NALCN: variants seen among roughly 807,000 people sequenced by gnomAD.
The protein encoded by NALCN is sodium leak channel, non-selective, also known as sodium leak channel NALCN.
NALCN carries 111 observed loss-of-function variants against 225.3 expected under a neutral mutation model. The ratio of observed to expected loss-of-function variants is 0.49; its 90% CI spans 0.42 to 0.58. NALCN has a LOEUF of 0.58. NALCN is among the 20% of genes least tolerant of loss of function. The pLI is 0.00. For synonymous variants in NALCN, 764 were observed against 769.0 expected, an observed-to-expected ratio of 0.99 and a Z score of 0.11; for missense variants, 1,378 against 2,202.4, an observed-to-expected ratio of 0.63 and a Z score of 7.49.
chr13:101,234,040 C>G (rs2041458014), intron 12 of NALCN, among the ~76,000 whole-genome samples: 1 of 152,158 alleles, frequency 6.6e-6, no homozygotes, highest in Admixed American at 6.5e-5. Flanking sequence ...TGCTCCTTCA[C>G]TTCATTCAGT....
rs1002533299 is a variant in NALCN, at chr13:101,243,887, T to G, written c.1267-5965A>C. On this transcript the variant is annotated intron_variant, in intron 11 of 43. Transcript: ENST00000251127. The stretch of plus-strand genomic sequence containing the variant: ...ATGAAAGGCTCTCTGCCCTGAGCAG[T>G]GGCCTCAGGGGACCAGAGGACTCAG... Among the ~76,000 whole-genome samples, 2 of 105,322 alleles carry G rather than the reference T, an allele frequency of 1.9e-5. 1 individual carries two copies. The highest frequency in any genetic ancestry group is 4.2e-5 in the Non-Finnish European group (2 of 47,082). The allele number at this position is 105,322 out of a possible 152,430, so 69.1% of individuals were successfully genotyped here.
chr13:101,146,074 CA>C (rs1418957429), intron 15 of NALCN, among the ~76,000 whole-genome samples: 1 of 152,220 alleles, frequency 6.6e-6, no homozygotes, highest in Admixed American at 6.5e-5. Flanking sequence ...TTTGGGGAAA[CA>C]TTCCCATTTC....
chr13:101,245,870 C>T (rs1279284675), intron 11 of NALCN, among the ~76,000 whole-genome samples: 1 of 152,166 alleles, frequency 6.6e-6, no homozygotes, highest in Non-Finnish European at 1.5e-5. Flanking sequence ...CCCAACCAGA[C>T]ACTTGCCTAG....
At chr13:101,326,043 T>C (rs953853291) in intron 7 of NALCN, among the ~76,000 whole-genome samples, 11 of 152,230 alleles carry the variant, frequency 7.2e-5, no homozygotes, top group African/African-American at 2.7e-4. Flanking sequence ...CCTACAAGTT[T>C]CCTTTTTTAC....
In NALCN at chr13:101,111,239, A is replaced by AC; in HGVS notation, c.2193-14_2193-13insG. On this transcript the variant is annotated splice_polypyrimidine_tract_variant and intron_variant, in intron 18 of 43. Coordinates refer to ENST00000251127, the MANE Select transcript of NALCN (RefSeq NM_052867.4). Reference sequence around the variant, plus strand: ...TCGGGTGCAAGCTCTAGGAAAAAAAAAGGAGCCCAAGATAAATGCATGGTT... The same window carrying AC: ...TCGGGTGCAAGCTCTAGGAAAAAAAACAGGAGCCCAAGATAAATGCATGGTT... 6.3e-7 allele frequency: 1 copy of AC among 1,576,290 alleles called. No individual in the cohort carries two copies. Among genetic ancestry groups the AC allele is most frequent in the Non-Finnish European group, 8.7e-7 (1 of 1,155,756 alleles).
At chr13:101,204,482 T>C (rs2040241003) in intron 13 of NALCN, among the ~76,000 whole-genome samples, 1 of 152,196 alleles carries the variant, frequency 6.6e-6, no homozygotes, top group Non-Finnish European at 1.5e-5. Flanking sequence ...AGGAAAAGTC[T>C]TCTGAATCTA....
At chr13:101,079,847 G>A (rs1566790639) in intron 34 of NALCN, among the ~76,000 whole-genome samples, 2 of 152,218 alleles carry the variant, frequency 1.3e-5, no homozygotes, top group African/African-American at 4.8e-5. Flanking sequence ...TAAGAAGGAC[G>A]CTCACTATGT....
chr13:101,278,294 G>A (rs976172416), intron 10 of NALCN, among the ~76,000 whole-genome samples: 2 of 152,092 alleles, frequency 1.3e-5, no homozygotes, highest in Non-Finnish European at 2.9e-5. Flanking sequence ...GGAGGCCGAG[G>A]TGGGCGGATC....
chr13:101,333,291 G>T (rs562265062), intron 7 of NALCN, among the ~76,000 whole-genome samples: 109 of 152,194 alleles, frequency 7.2e-4, no homozygotes, highest in Non-Finnish European at 1.4e-3. Context: ...ATATTTATTA[G>T]CCATTCATGA....
At chr13:101,362,923 T>C (rs2046287342) in intron 6 of NALCN, among the ~76,000 whole-genome samples, 1 of 152,046 alleles carries the variant, frequency 6.6e-6, no homozygotes, top group African/African-American at 2.4e-5. Flanking sequence ...CAAAAATTAA[T>C]AGCATTTATA....
intron 15 of NALCN, among the ~76,000 whole-genome samples, chr13:101,157,240 A>G (rs555303192): frequency 6.6e-6 from 1 of 152,352 alleles, no homozygotes; most frequent in African/African-American, 2.4e-5. Context: ...GTACACATAC[A>G]TGTATTTCCC....
In NALCN at chr13:101,065,385, G is replaced by C; in HGVS notation, c.4604+19C>G. On this transcript the variant is annotated intron_variant, in intron 40 of 43. Transcript: ENST00000251127. ...TGGTTTCTGGCCCCCATTCAGCCCT[G>C]CGAAAGCCTGCCTTGTACCTCAGGA... 1 of 1,613,614 alleles carries C rather than the reference G, an allele frequency of 6.2e-7. No homozygotes were observed. Among genetic ancestry groups the C allele is most frequent in the Non-Finnish European group, 8.5e-7 (1 of 1,179,666 alleles).
chr13:101,068,657 G>A (rs2032614362), intron 38 of NALCN, 38 bp downstream of exon 38: 2 of 1,520,518 alleles, frequency 1.3e-6, no homozygotes. Context: ...AAGTACCTGA[G>A]TTTAAAGAGT....
Position 101,111,138 on chromosome 13 carries a change from G to A in NALCN, c.2281C>T (p.Arg761Cys), listed in dbSNP as rs1420619266. Reference protein sequence around the residue: ...RSILSVQHHIRQERRSLRHGS... With the variant: ...RSILSVQHHICQERRSLRHGS... ...CCAAGTATTTACCTGCGCTCTTGGC[G>A]GATATGATGCTGCACGCTGAGGATT... Residue 761 changes from arginine (R) to cysteine (C), a missense_variant, in exon 19 of 44, where the codon CGC (arginine) becomes TGC (cysteine). Arg to Cys is a radical substitution (Grantham distance 180, BLOSUM62 -3). Coordinates refer to ENST00000251127, the MANE Select transcript of NALCN (RefSeq NM_052867.4). 7 of 1,606,340 alleles carry A rather than the reference G, an allele frequency of 4.4e-6. No homozygotes were observed. The highest frequency in any genetic ancestry group is 1.7e-4 in the Middle Eastern group (1 of 6,032).
chr13:101,239,955 T>A (rs950128894), intron 11 of NALCN, among the ~76,000 whole-genome samples: 1 of 152,072 alleles, frequency 6.6e-6, no homozygotes, highest in African/African-American at 2.4e-5. Flanking sequence ...TCACTTTAAT[T>A]TCTTTTTAAA....
At chr13:101,182,746 G>C (rs1240473632) in intron 14 of NALCN, among the ~76,000 whole-genome samples, 3 of 152,122 alleles carry the variant, frequency 2.0e-5, no homozygotes, top group Non-Finnish European at 4.4e-5. Flanking sequence ...TCTGACCCAA[G>C]GCTTTGGCTG....
At position 101,358,496 on chromosome 13, in the gene NALCN, T is replaced by A. The variant is rs142062139; in HGVS notation, c.645-13076A>T. On this transcript the variant is annotated intron_variant, in intron 6 of 43. Coordinates refer to ENST00000251127, the MANE Select transcript of NALCN (RefSeq NM_052867.4). Reference sequence around the variant, plus strand: ...AATGCAAACCAAAACCACAATGCAGTACCATTTCACACCAGTCAGAACGGC... The same window carrying A: ...AATGCAAACCAAAACCACAATGCAGAACCATTTCACACCAGTCAGAACGGC... Among the ~76,000 whole-genome samples the A allele has an allele frequency of 3.9e-4, 59 of 152,216 alleles. No homozygotes were observed. In the East Asian group the frequency reaches 0.01, roughly 26 times the overall value.
intron 6 of NALCN, among the ~76,000 whole-genome samples, chr13:101,373,999 A>G (rs2139409847): frequency 6.6e-6 from 1 of 152,248 alleles, no homozygotes; most frequent in Admixed American, 6.5e-5. Flanking sequence ...ATAATAGGGG[A>G]AAATAATAAT....
At chr13:101,193,102 C>CTTTTT (rs5806199) in intron 13 of NALCN, among the ~76,000 whole-genome samples, 17 of 142,304 alleles carry the variant, frequency 1.2e-4, no homozygotes, top group African/African-American at 4.1e-4. Context: ...CTGATTCCTT[C>CTTTTT]TTTTTTTTTT....
Sources: gnomAD v4.1 joint callset for allele counts (sites outside exome capture counted in the v4.1 genomes callset) on GRCh38, gnomAD v4.1.1 for gene constraint, MANE v1.5 for transcripts, NCBI Gene and HGNC (gene_info 2026-07-23, HGNC 2026-07-21) for gene names.